The following ANKH variants were observed in gnomAD, a reference collection of about 807,000 sequenced individuals.
The protein encoded by ANKH is ANKH inorganic pyrophosphate transport regulator, also known as mineralization regulator ANKH.
In ANKH, 15 loss-of-function variants were observed where a neutral mutation model predicts 49.0. That is an observed-to-expected ratio of 0.31 (90% CI 0.20 to 0.47). The LOEUF (loss-of-function observed/expected upper bound fraction) is 0.47, where lower values mean the gene tolerates loss of function less well. Among genes scored for constraint, ANKH ranks in the 20% least tolerant of loss-of-function variants. The pLI is 1.00. For missense variants in ANKH, 429 were observed against 652.0 expected (o/e 0.66, Z 3.72); for synonymous variants, 273 against 260.0 (o/e 1.05, Z -0.48).
chr5:14,755,025 G>A (rs1193626368), intron 4 of ANKH, among the ~76,000 whole-genome samples: 1 of 142,818 alleles, frequency 7.0e-6, no homozygotes, highest in African/African-American at 2.8e-5. Flanking sequence ...GCAGTGAGCC[G>A]AGATTGTGCC....
chr5:14,837,499 T>C (rs1343550506), intron 1 of ANKH, among the ~76,000 whole-genome samples: 8 of 152,206 alleles, frequency 5.3e-5, no homozygotes. Flanking sequence ...AAGACATTTA[T>C]ACAGCCAACA....
Position 14,708,895 on chromosome 5 carries a change from A to ATTTTTTT in ANKH, c.*2295_*2301dup, listed in dbSNP as rs796083754. 1 of 145,834 alleles carries ATTTTTTT rather than the reference A, an allele frequency of 6.9e-6. No individual in the cohort carries two copies. The highest frequency in any genetic ancestry group is 2.5e-5 in the African/African-American group (1 of 39,732). The allele number at this position is 145,834 out of a possible 1,614,324, so 9.0% of individuals were successfully genotyped here. A position where few individuals can be genotyped will look rare whatever the true frequency, so the allele number is the denominator to read the frequency against. ...TCCTTCCTGGATTTAGAGGGAAAGG[A>ATTTTTTT]TTTTTTTTTTTTTTGAGATGGAGTT... is the stretch of plus-strand genomic sequence containing the variant. On this transcript the variant is annotated 3_prime_UTR_variant, in exon 12 of 12. Transcript: ENST00000284268.
At chr5:14,831,334 A>G (rs1004246258) in intron 1 of ANKH, among the ~76,000 whole-genome samples, 1 of 152,202 alleles carries the variant, frequency 6.6e-6, no homozygotes, top group Non-Finnish European at 1.5e-5. Context: ...CTGCCTAAAG[A>G]TGCCCCTATT....
At chr5:14,803,636 A>C (rs963874315) in intron 1 of ANKH, among the ~76,000 whole-genome samples, 2 of 151,524 alleles carry the variant, frequency 1.3e-5, no homozygotes, top group Admixed American at 6.6e-5. Context: ...TACATTTTAC[A>C]CTTCTTCTTC....
intron 1 of ANKH, among the ~76,000 whole-genome samples, chr5:14,808,358 C>T (rs1027822061): frequency 4.6e-5 from 7 of 152,166 alleles, no homozygotes; most frequent in Non-Finnish European, 7.3e-5. Context: ...GCTGTACCTT[C>T]CAAAAGAAAA....
intron 8 of ANKH, among the ~76,000 whole-genome samples, chr5:14,739,774 T>C (rs1738296606): frequency 6.6e-6 from 1 of 152,218 alleles, no homozygotes; most frequent in Non-Finnish European, 1.5e-5. Context: ...TGTGAATCAT[T>C]TCCTTTTCTG....
chr5:14,855,501 C>T (rs902523155), intron 1 of ANKH, among the ~76,000 whole-genome samples: 1 of 152,188 alleles, frequency 6.6e-6, no homozygotes, highest in African/African-American at 2.4e-5. Flanking sequence ...AAACAGTATA[C>T]TAAGCACTTG....
At chr5:14,853,108 C>G (rs1396202125) in intron 1 of ANKH, among the ~76,000 whole-genome samples, 1 of 152,198 alleles carries the variant, frequency 6.6e-6, no homozygotes. Context: ...AACCTCCCCC[C>G]AAACTACCAC....
chr5:14,799,109 G>A (rs1740486218), intron 1 of ANKH, among the ~76,000 whole-genome samples: 1 of 152,220 alleles, frequency 6.6e-6, no homozygotes, highest in South Asian at 2.1e-4. Flanking sequence ...AGTTTGAGTG[G>A]TCTGGAAAGA....
chr5:14,736,162 C>T (rs1158917547), intron 8 of ANKH, among the ~76,000 whole-genome samples: 3 of 152,068 alleles, frequency 2.0e-5, no homozygotes, highest in Admixed American at 1.3e-4. Flanking sequence ...TCTCTCTCTG[C>T]CTCAAGTGAC....
intron 1 of ANKH, chr5:14,797,435 C>A: frequency 4.3e-6 from 7 of 1,611,100 alleles, no homozygotes; most frequent in Non-Finnish European, 5.9e-6. Flanking sequence ...ACCACTGAAC[C>A]TGGAATATTT....
Position 14,737,984 on chromosome 5 carries a change from A to G in ANKH, c.1011+3843T>C, listed in dbSNP as rs562537565. Among the ~76,000 whole-genome samples the G allele has an allele frequency of 8.5e-5, 13 of 152,318 alleles. No individual in the cohort carries two copies. Among genetic ancestry groups the G allele is most frequent in the African/African-American group, 3.1e-4 (13 of 41,572 alleles). On this transcript the variant is annotated intron_variant, in intron 8 of 11. Transcript: ENST00000284268. This position sits in a 1 kb window ranked among gnomAD's most constrained non-coding sequence, Gnocchi z 5.0. ...CCGCAGCTCTGAAGGACTGAAAGCAAGATGCTAACGGAAATGGCGAACATT... is the reference window on the plus strand; with the variant it reads ...CCGCAGCTCTGAAGGACTGAAAGCAGGATGCTAACGGAAATGGCGAACATT...
chr5:14,705,230 G>A lies in ANKH; in HGVS notation c.*5967C>T, dbSNP rs991795463. ...TGATGTGAAACTGACAAACCTATGG[G>A]CTGACAGCCACAGCCCATGTAGAGG... is the stretch of plus-strand genomic sequence containing the variant. On this transcript the variant is annotated 3_prime_UTR_variant, in exon 12 of 12. Coordinates refer to ENST00000284268, the MANE Select transcript of ANKH (RefSeq NM_054027.6). 1.3e-5 allele frequency: 2 copies of A among 152,020 alleles called. No individual in the cohort carries two copies. Among genetic ancestry groups the A allele is most frequent in the Admixed American group, 1.3e-4 (2 of 15,274 alleles). 9.4% of individuals were successfully genotyped at this position (152,020 alleles called of 1,614,324 possible).
chr5:14,825,930 C>T (rs1035847440), intron 1 of ANKH: 1 of 152,342 alleles, frequency 6.6e-6, no homozygotes, highest in African/African-American at 2.4e-5. Context: ...GGGTTAGAAC[C>T]CTCACTTGAA....
chr5:14,733,193 GTT>G (rs1738059553), intron 8 of ANKH, among the ~76,000 whole-genome samples: 1 of 152,210 alleles, frequency 6.6e-6, no homozygotes, highest in Non-Finnish European at 1.5e-5. Context: ...AGGCACTGTT[GTT>G]TGCCATATGT....
At chr5:14,816,920 G>GCA (rs1741056115) in intron 1 of ANKH, among the ~76,000 whole-genome samples, 1 of 152,204 alleles carries the variant, frequency 6.6e-6, no homozygotes. Context: ...TTACCTCGTT[G>GCA]CACAGATCTC....
At chr5:14,791,855 T>C (rs987422257) in intron 1 of ANKH, among the ~76,000 whole-genome samples, 6 of 152,182 alleles carry the variant, frequency 3.9e-5, no homozygotes, top group Admixed American at 1.3e-4. Context: ...CATCCAGCAA[T>C]TGCTTGGCTA....
chr5:14,768,796 A>C (rs1739330488), intron 2 of ANKH, 179 bp downstream of exon 2: 1 of 683,296 alleles, frequency 1.5e-6, no homozygotes, highest in Non-Finnish European at 2.5e-6. Context: ...CCCCAGAAAA[A>C]ACACATTATT....
At chr5:14,741,739 A>C (rs1327913364) in intron 8 of ANKH, 88 bp downstream of exon 8, 3 of 937,042 alleles carry the variant, frequency 3.2e-6, no homozygotes, top group Admixed American at 3.9e-5. Flanking sequence ...TACATTGTGG[A>C]AAATAAGATT....
Sources: allele counts gnomAD v4.1 joint callset (sites outside exome capture counted in the v4.1 genomes callset), GRCh38; gene constraint gnomAD v4.1.1; non-coding constraint Gnocchi (gnomAD v3.1); transcripts MANE v1.5; gene names NCBI Gene and HGNC (gene_info 2026-07-23, HGNC 2026-07-21).